Variants in ODAD2 observed in about 807,000 individuals in gnomAD.
ODAD2 encodes the protein outer dynein arm-docking complex subunit 2.
ODAD2 carries 89 observed loss-of-function variants against 106.8 expected under a neutral mutation model. The ratio of observed to expected loss-of-function variants is 0.83; its 90% CI spans 0.70 to 0.99. ODAD2 has a LOEUF of 0.99. Among genes scored for constraint, ODAD2 ranks in the 50% least tolerant of loss-of-function variants. ODAD2 has a pLI of 0.00. For synonymous variants in ODAD2, 404 were observed against 436.2 expected, an observed-to-expected ratio of 0.93 and a Z score of 0.92; for missense variants, 1,168 against 1,238.5, an observed-to-expected ratio of 0.94 and a Z score of 0.85.
At chr10:27,900,259 G>C (rs1843109326) in intron 17 of ODAD2, among the ~76,000 whole-genome samples, 1 of 152,052 alleles carries the variant, frequency 6.6e-6, no homozygotes, top group South Asian at 2.1e-4. Flanking sequence ...AAACAGAAAG[G>C]AATAGCATCA....
chr10:27,890,459 G>A (rs2133697336), intron 17 of ODAD2, among the ~76,000 whole-genome samples: 1 of 152,296 alleles, frequency 6.6e-6, no homozygotes, highest in South Asian at 2.1e-4. Flanking sequence ...TGAATAGCTA[G>A]TGGCTGGTAC....
intron 3 of ODAD2, among the ~76,000 whole-genome samples, 153 bp downstream of exon 3, chr10:27,987,233 C>T (rs1849926593): frequency 6.6e-6 from 1 of 152,182 alleles, no homozygotes; most frequent in South Asian, 2.1e-4. Flanking sequence ...AAATTAATAA[C>T]ATTTTCATGA....
intron 19 of ODAD2, chr10:27,836,179 T>A (rs191945394): frequency 1.3e-5 from 2 of 152,302 alleles, no homozygotes; most frequent in East Asian, 3.9e-4. Context: ...ATTCAGTACA[T>A]ATACACAGTT....
intron 17 of ODAD2, among the ~76,000 whole-genome samples, chr10:27,879,570 G>A (rs1390597889): frequency 4.0e-5 from 6 of 151,868 alleles, no homozygotes; most frequent in Non-Finnish European, 2.9e-5. Context: ...TGAGTTGTAC[G>A]GATTAGGCTA....
At chr10:27,943,376 G>GTT (rs1554816539) in intron 12 of ODAD2, among the ~76,000 whole-genome samples, 7 of 151,776 alleles carry the variant, frequency 4.6e-5, no homozygotes, top group Admixed American at 2.0e-4. Flanking sequence ...ATTTCTAGTG[G>GTT]TTTTTTTTAA....
At position 27,883,925 on chromosome 10, in the gene ODAD2, C is replaced by T. The variant is rs1035419135; in HGVS notation, c.2611-21303G>A. Among the ~76,000 whole-genome samples, 10 of 150,666 alleles carry T rather than the reference C, an allele frequency of 6.6e-5. No homozygotes were observed. In the East Asian group the frequency reaches 1.9e-3, roughly 29 times the overall value. ...AGTAACATAAGCATAGCTTCAGAGA[C>T]CTGGGGGACATCATCAAGTATGCCA... On this transcript the variant is annotated intron_variant, in intron 17 of 19. Transcript: ENST00000305242.
At chr10:27,889,630 G>C (rs1842436182) in intron 17 of ODAD2, among the ~76,000 whole-genome samples, 2 of 152,076 alleles carry the variant, frequency 1.3e-5, no homozygotes, top group South Asian at 4.1e-4. Context: ...CTGTCCCTCA[G>C]TCCCACTGTC....
intron 19 of ODAD2, 48 bp downstream of exon 19, chr10:27,860,577 G>T (rs571384979): frequency 1.3e-6 from 2 of 1,563,216 alleles, no homozygotes; most frequent in South Asian, 2.2e-5. Flanking sequence ...TTCTTTCCAG[G>T]CTACATTTAC....
At chr10:27,907,847 C>T (rs1843712216) in intron 16 of ODAD2, 70 bp from the exon 17 acceptor site, 1 of 1,021,246 alleles carries the variant, frequency 9.8e-7, no homozygotes, top group Non-Finnish European at 1.5e-6. Context: ...TAATGACCCA[C>T]TTATTTAATT....
intron 7 of ODAD2, among the ~76,000 whole-genome samples, chr10:27,977,229 T>G (rs1444383545): frequency 1.3e-5 from 2 of 152,006 alleles, no homozygotes; most frequent in Admixed American, 6.6e-5. Context: ...GTTTCAAAAT[T>G]GAAGACTCTT....
chr10:27,903,461 A>G (rs189785963), intron 17 of ODAD2, among the ~76,000 whole-genome samples: 94 of 152,332 alleles, frequency 6.2e-4, no homozygotes, highest in Non-Finnish European at 1.1e-3. Flanking sequence ...GCAATCAGGC[A>G]AGAGAAAGCA....
At chr10:27,998,628 T>G (rs1588684587) in intron 1 of ODAD2, among the ~76,000 whole-genome samples, 36 of 120,730 alleles carry the variant, frequency 3.0e-4, no homozygotes, top group South Asian at 2.7e-4. Flanking sequence ...GAGGAAGGAG[T>G]GAGATGGGGC....
intron 17 of ODAD2, among the ~76,000 whole-genome samples, chr10:27,907,043 T>C: frequency 6.6e-6 from 1 of 151,968 alleles, no homozygotes; most frequent in Non-Finnish European, 1.5e-5. Context: ...CAGAAATAAC[T>C]TCAGCAACAA....
chr10:27,880,539 A>G (rs1039193206), intron 17 of ODAD2, among the ~76,000 whole-genome samples: 3 of 152,170 alleles, frequency 2.0e-5, no homozygotes, highest in African/African-American at 7.2e-5. Flanking sequence ...TTAATTGCCT[A>G]TGTAGTAATA....
chr10:27,895,675 G>T (rs1487603803), intron 17 of ODAD2, among the ~76,000 whole-genome samples: 2 of 152,194 alleles, frequency 1.3e-5, no homozygotes, highest in Admixed American at 6.5e-5. Flanking sequence ...GCCACATGTG[G>T]CTAGTAGTTG....
chr10:27,871,367 C>T (rs1026520730), intron 17 of ODAD2, among the ~76,000 whole-genome samples: 3 of 152,146 alleles, frequency 2.0e-5, no homozygotes, highest in Admixed American at 6.5e-5. Context: ...TAATTAGATC[C>T]CATTTGTCAA....
At chr10:27,933,660 G>T (rs1845757482) in intron 16 of ODAD2, among the ~76,000 whole-genome samples, 1 of 152,086 alleles carries the variant, frequency 6.6e-6, no homozygotes, top group Non-Finnish European at 1.5e-5. Context: ...AAAATAAAGA[G>T]GAACCAAAGA....
intron 19 of ODAD2, chr10:27,813,277 C>T (rs1052867519): frequency 6.6e-6 from 1 of 152,192 alleles, no homozygotes; most frequent in African/African-American, 2.4e-5. Context: ...ACAGACCTAG[C>T]CAACTTTTCC....
At chr10:27,948,470 C>T (rs1473688582) in intron 10 of ODAD2, among the ~76,000 whole-genome samples, 2 of 152,110 alleles carry the variant, frequency 1.3e-5, no homozygotes, top group African/African-American at 4.8e-5. Flanking sequence ...ATGTTTGTTC[C>T]ACTTTGTCCA....
Sources: gnomAD v4.1 joint callset for allele counts (sites outside exome capture counted in the v4.1 genomes callset) on GRCh38, gnomAD v4.1.1 for gene constraint, MANE v1.5 for transcripts, NCBI Gene and HGNC (gene_info 2026-07-23, HGNC 2026-07-21) for gene names.